Variants in CPLANE1 observed in about 807,000 individuals in gnomAD.
CPLANE1 encodes ciliogenesis and planar polarity effector 1.
CPLANE1 carries 263 observed loss-of-function variants against 362.5 expected under a neutral mutation model. The ratio of observed to expected loss-of-function variants is 0.73; its 90% CI spans 0.66 to 0.80. CPLANE1 has a LOEUF of 0.80. Among genes scored for constraint, CPLANE1 ranks in the 30% least tolerant of loss-of-function variants. The probability of loss-of-function intolerance (pLI) is 0.00; values close to 1 mark genes in which losing one functional copy is unlikely to be tolerated. For missense variants in CPLANE1, 3,461 were observed against 3,793.4 expected (o/e 0.91, Z 2.30); for synonymous variants, 1,212 against 1,302.6 (o/e 0.93, Z 1.50).
intron 31 of CPLANE1, 68 bp from the exon 32 acceptor site, chr5:37,174,015 A>G: frequency 2.3e-6 from 3 of 1,299,380 alleles, no homozygotes; most frequent in Non-Finnish European, 3.2e-6. Context: ...AATGTCTATG[A>G]TCAGAATATT....
At chr5:37,211,465 A>C in intron 16 of CPLANE1, 1 of 1,430,824 alleles carries the variant, frequency 7.0e-7, no homozygotes, top group Non-Finnish European at 9.5e-7. Context: ...GTCTCTGAGC[A>C]GCCTCAAGTG....
At position 37,180,266 on chromosome 5, in the gene CPLANE1, T is replaced by G. The variant is rs1045350275; in HGVS notation, c.5571-83A>C. The G allele has an allele frequency of 4.4e-6, 4 of 916,308 alleles. No homozygotes were observed. The African/African-American group carries it at 6.9e-5, about 16-fold the overall frequency. 56.8% of individuals were successfully genotyped at this position (916,308 alleles called of 1,614,324 possible). Reference sequence around the variant, plus strand: ...AGTTTTGGGTTTTTTTTTTGTTTTTTTTTTTAAGATGGAGTCTCGCCCAGG... The same window carrying G: ...AGTTTTGGGTTTTTTTTTTGTTTTTGTTTTTAAGATGGAGTCTCGCCCAGG... On this transcript the variant is annotated intron_variant, in intron 27 of 52. Coordinates refer to ENST00000651892, the MANE Select transcript of CPLANE1 (RefSeq NM_001384732.1).
intron 42 of CPLANE1, among the ~76,000 whole-genome samples, chr5:37,151,209 CTA>C (rs1263121431): frequency 3.9e-5 from 6 of 152,212 alleles, no homozygotes; most frequent in African/African-American, 1.4e-4. Flanking sequence ...CCCAAACACT[CTA>C]TGCCATTTGG....
chr5:37,171,091 A>T (rs571306102), intron 32 of CPLANE1, among the ~76,000 whole-genome samples: 1 of 152,232 alleles, frequency 6.6e-6, no homozygotes, highest in African/African-American at 2.4e-5. Flanking sequence ...ACTTTGCTGC[A>T]CATTACAATC....
At chr5:37,094,443 G>C in the CPLANE1 span, among the ~76,000 whole-genome samples, 1 of 152,184 alleles carries the variant, frequency 6.6e-6, no homozygotes, top group African/African-American at 2.4e-5. Flanking sequence ...GCAGTGCTAA[G>C]AGGAAAGTTC....
intron 18 of CPLANE1, 40 bp downstream of exon 18, chr5:37,205,270 TTTATA>T: frequency 7.0e-7 from 1 of 1,438,096 alleles, no homozygotes; most frequent in Non-Finnish European, 9.3e-7. Context: ...TATTATAAGG[TTTATA>T]TTAATCTGAC....
chr5:37,236,920 G>A (rs1020616959), intron 8 of CPLANE1, among the ~76,000 whole-genome samples: 2 of 152,056 alleles, frequency 1.3e-5, no homozygotes, highest in Non-Finnish European at 2.9e-5. Flanking sequence ...CAACATGTTG[G>A]CAAGTATGCA....
chr5:37,244,477 T>C lies in CPLANE1; in HGVS notation c.468A>G (p.Ser156=). 1.9e-6 allele frequency: 3 copies of C among 1,551,966 alleles called. No individual in the cohort carries two copies. The highest frequency in any genetic ancestry group is 2.4e-5 in the East Asian group (1 of 40,898). ...TGACCTGGGACCACCGACCCGCCAA[T>C]GAAAGGCTTTTAGAAGATAAGATAT... ...LKNILSSKSL[S]LAGRWSQVIP... is the part of the protein sequence containing the mutation. The change falls in exon 5 of 53, where the codon TCA becomes TCG. Residue 156 remains serine, a synonymous_variant. Transcript: ENST00000651892.
At chr5:37,133,758 C>T (rs977022697) in intron 46 of CPLANE1, among the ~76,000 whole-genome samples, 1 of 151,986 alleles carries the variant, frequency 6.6e-6, no homozygotes, top group African/African-American at 2.4e-5. Context: ...ATTTGGATGC[C>T]TTACGTTTAT....
At chr5:37,080,495 C>T in the CPLANE1 span, among the ~76,000 whole-genome samples, 1 of 152,186 alleles carries the variant, frequency 6.6e-6, no homozygotes, top group Non-Finnish European at 1.5e-5. Context: ...TGCAGATACA[C>T]TGAAATTGGG....
rs141507441 is a variant in CPLANE1, at chr5:37,125,330, G to A, written c.8872C>T (p.Arg2958Ter). The part of the protein sequence containing the change: ...REIQAWMKRK[R>*]KERMAKYLNE... Reference sequence around the variant, plus strand: ...AAGTACTTTGCCATTCTTTCTTTTCGTTTTCTTTTCATCCAGGCTTGAATC... The same window carrying A: ...AAGTACTTTGCCATTCTTTCTTTTCATTTTCTTTTCATCCAGGCTTGAATC... Residue 2958 changes from arginine to a stop codon, truncating the protein, a stop_gained, in exon 47 of 53, where the codon CGA (arginine) becomes TGA (stop). Coordinates refer to ENST00000651892, the MANE Select transcript of CPLANE1 (RefSeq NM_001384732.1). LOFTEE classifies it high-confidence loss of function. 55 of 1,613,420 alleles carry A rather than the reference G, an allele frequency of 3.4e-5. No individual in the cohort carries two copies. The highest frequency in any genetic ancestry group is 4.3e-5 in the Non-Finnish European group (51 of 1,179,812).
At chr5:37,214,652 TGAG>T (rs1793538385) in intron 15 of CPLANE1, among the ~76,000 whole-genome samples, 1 of 152,248 alleles carries the variant, frequency 6.6e-6, no homozygotes, top group African/African-American at 2.4e-5. Context: ...GTTGCTATTT[TGAG>T]GAGTTCAAGT....
chr5:37,206,544 T>C (rs913895762), intron 16 of CPLANE1, 119 bp from the exon 17 acceptor site: 8 of 665,222 alleles, frequency 1.2e-5, no homozygotes, highest in South Asian at 3.8e-5. Flanking sequence ...GGAAGATACA[T>C]ACAAAATGGG....
At chr5:37,175,183 T>G (rs1278445656) in intron 31 of CPLANE1, among the ~76,000 whole-genome samples, 1 of 152,136 alleles carries the variant, frequency 6.6e-6, no homozygotes, top group Non-Finnish European at 1.5e-5. Flanking sequence ...CATTCATGCT[T>G]GCACAAGTCA....
chr5:37,128,046 C>T (rs1422600437), intron 46 of CPLANE1, among the ~76,000 whole-genome samples: 4 of 151,878 alleles, frequency 2.6e-5, no homozygotes, highest in African/African-American at 9.7e-5. Flanking sequence ...TCTCAAAAAA[C>T]AAACAAACAA....
At chr5:37,123,699 T>A (rs1008701382) in intron 47 of CPLANE1, among the ~76,000 whole-genome samples, 2 of 151,826 alleles carry the variant, frequency 1.3e-5, no homozygotes, top group Admixed American at 6.6e-5. Flanking sequence ...ATTTTCTTAT[T>A]TTTTTTTGTA....
At position 37,243,040 on chromosome 5, in the gene CPLANE1, C is replaced by G; in HGVS notation, c.650G>C (p.Trp217Ser). 1 of 1,545,364 alleles carries G rather than the reference C, an allele frequency of 6.5e-7. No homozygotes were observed. Among genetic ancestry groups the G allele is most frequent in the South Asian group, 1.2e-5 (1 of 83,034 alleles). ...CLKLTFLAIR[W>S]HENVFTSVRS... ...TACAGATGTAAATACATTCTCATGC[C>G]ACCGAATTGCTAGAAATGTTAACTT... is the stretch of plus-strand genomic sequence containing the variant. The change falls in exon 6 of 53, where the codon TGG (tryptophan) becomes TCG (serine). Residue 217 changes from tryptophan (W) to serine (S), a missense_variant. Around this residue, in one of 2 missense-constraint regions of CPLANE1, gnomAD observed 3,380 missense variants for 3,666.1 expected, o/e 0.92. Coordinates refer to ENST00000651892, the MANE Select transcript of CPLANE1 (RefSeq NM_001384732.1).
In CPLANE1 at chr5:37,157,354, C is replaced by T; in HGVS notation, c.8078G>A (p.Ser2693Asn). The T allele has an allele frequency of 7.2e-7, 1 of 1,391,108 alleles. No individual in the cohort carries two copies. Among genetic ancestry groups the T allele is most frequent in the Non-Finnish European group, 9.5e-7 (1 of 1,047,810 alleles). The allele number at this position is 1,391,108 out of a possible 1,614,324, so 86.2% of individuals were successfully genotyped here. A position where few individuals can be genotyped will look rare whatever the true frequency, so the allele number is the denominator to read the frequency against. ...GTCTGATGGTGTAGGTGAGGTGACA[C>T]TAGGCTCCTTCACTTCTGTAATGCC... ...RAGITEVKEP[S>N]VTSPTPSDIQ... The change falls in exon 41 of 53, where the codon AGT becomes AAT. Residue 2693 changes from serine (S) to asparagine (N), a missense_variant. Coordinates refer to ENST00000651892, the MANE Select transcript of CPLANE1 (RefSeq NM_001384732.1).
At chr5:37,135,518 G>T (rs563174633) in intron 46 of CPLANE1, among the ~76,000 whole-genome samples, 4 of 152,242 alleles carry the variant, frequency 2.6e-5, no homozygotes, top group African/African-American at 9.6e-5. Context: ...TGAGTGCCCA[G>T]CAAAAGGGGA....
Sources: allele counts gnomAD v4.1 joint callset (sites outside exome capture counted in the v4.1 genomes callset), GRCh38; gene constraint gnomAD v4.1.1; regional missense constraint gnomAD v4.1.1; transcripts MANE v1.5; gene names NCBI Gene and HGNC (gene_info 2026-07-23, HGNC 2026-07-21).